TBC1D5: variants seen among roughly 807,000 people sequenced by gnomAD.
The protein encoded by TBC1D5 is TBC1 domain family, member 5.
Under a neutral mutation model 100.3 loss-of-function variants are expected in TBC1D5, and 75 were observed. That is an observed-to-expected ratio of 0.75 (90% CI 0.62 to 0.91). The LOEUF (loss-of-function observed/expected upper bound fraction) is 0.91, where lower values mean the gene tolerates loss of function less well. Ranked by LOEUF, TBC1D5 falls within the 40% of genes least tolerant of loss-of-function variation. The pLI is 0.00. For missense variants in TBC1D5, 910 were observed against 942.4 expected (o/e 0.97, Z 0.45); for synonymous variants, 323 against 325.6 (o/e 0.99, Z 0.09).
At chr3:17,442,766 T>C (rs970998180) in intron 3 of TBC1D5, among the ~76,000 whole-genome samples, 1 of 152,170 alleles carries the variant, frequency 6.6e-6, no homozygotes, top group African/African-American at 2.4e-5. Flanking sequence ...ACTTTGAAAC[T>C]GCTGACACTG....
intron 8 of TBC1D5, among the ~76,000 whole-genome samples, chr3:17,393,829 T>C (rs2093426451): frequency 6.6e-6 from 1 of 152,116 alleles, no homozygotes; most frequent in Admixed American, 6.6e-5. Flanking sequence ...TAACTCAAAA[T>C]GGATTAAAGA....
At chr3:17,741,082 C>G (rs1383129945), upstream of TBC1D5, among the ~76,000 whole-genome samples, 1 of 152,194 alleles carries the variant, frequency 6.6e-6, no homozygotes, top group African/African-American at 2.4e-5. Flanking sequence ...TTGATAAATA[C>G]AACACTTTAT....
At chr3:17,550,946 T>TAAAG (rs1240654916) in intron 2 of TBC1D5, among the ~76,000 whole-genome samples, 2 of 152,164 alleles carry the variant, frequency 1.3e-5, no homozygotes, top group African/African-American at 4.8e-5. Context: ...CTCTTCCTCT[T>TAAAG]CCATCTATAA....
In TBC1D5 at chr3:17,227,018, A is replaced by C. The variant is rs576540086; in HGVS notation, c.1588+11145T>G. ...ATTTCTGTTTAGCACTGGGGAGGGA[A>C]GTATGAACATAACAGAAGCTCTTAA... On this transcript the variant is annotated intron_variant, in intron 17 of 21. Transcript: ENST00000253692. Among the ~76,000 whole-genome samples the C allele has an allele frequency of 3.4e-3, 519 of 152,278 alleles. 4 individuals are homozygous for C. Among genetic ancestry groups the C allele is most frequent in the African/African-American group, 0.011 (472 of 41,566 alleles).
chr3:17,700,224 G>A (rs2072943706), intron 1 of TBC1D5, among the ~76,000 whole-genome samples: 1 of 151,634 alleles, frequency 6.6e-6, no homozygotes, highest in South Asian at 2.1e-4. Flanking sequence ...AACAAGAAAT[G>A]GGGAAACAAT....
intron 13 of TBC1D5, among the ~76,000 whole-genome samples, chr3:17,326,156 C>A (rs1271258499): frequency 6.6e-6 from 1 of 152,060 alleles, no homozygotes; most frequent in Non-Finnish European, 1.5e-5. Flanking sequence ...TAGAATCCAG[C>A]ATAAAATTTG....
chr3:17,694,177 G>A (rs2071626255), intron 1 of TBC1D5, among the ~76,000 whole-genome samples: 1 of 152,210 alleles, frequency 6.6e-6, no homozygotes, highest in African/African-American at 2.4e-5. Flanking sequence ...AAAAATCAGA[G>A]TGCCTCTTCT....
chr3:17,392,442 T>C (rs1018716883), intron 8 of TBC1D5, among the ~76,000 whole-genome samples: 2 of 152,188 alleles, frequency 1.3e-5, no homozygotes, highest in East Asian at 3.9e-4. Flanking sequence ...GGTATACACA[T>C]GCCATGGTGG....
chr3:17,357,064 A>G (rs1169162927), intron 13 of TBC1D5, among the ~76,000 whole-genome samples: 1 of 152,238 alleles, frequency 6.6e-6, no homozygotes, highest in Non-Finnish European at 1.5e-5. Context: ...CCAAACTTAA[A>G]AAAACTCTTC....
chr3:17,706,443 G>A (rs199916602), intron 1 of TBC1D5, among the ~76,000 whole-genome samples: 2,536 of 149,702 alleles, frequency 0.017, 51 homozygotes, highest in South Asian at 0.047. Flanking sequence ...ACACACACGC[G>A]CGCGCACACC....
At chr3:17,269,784 T>C (rs1373995169) in intron 15 of TBC1D5, among the ~76,000 whole-genome samples, 2 of 151,884 alleles carry the variant, frequency 1.3e-5, no homozygotes, top group Non-Finnish European at 1.5e-5. Context: ...CTTAGGACTA[T>C]GGCCTCCAGC....
chr3:17,540,905 CAAAAAAAA>C (rs71634807), intron 2 of TBC1D5, among the ~76,000 whole-genome samples: 30 of 31,462 alleles, frequency 9.5e-4, no homozygotes, highest in African/African-American at 4.7e-3. Flanking sequence ...GGCTCCATCT[CAAAAAAAA>C]AAAAAAAAAA....
chr3:17,357,579 A>G (rs1018742847), intron 13 of TBC1D5, among the ~76,000 whole-genome samples: 10 of 152,042 alleles, frequency 6.6e-5, no homozygotes, highest in Non-Finnish European at 1.5e-4. Context: ...TTATATGGGG[A>G]CTGACATCAC....
chr3:17,489,379 T>C (rs926534176), intron 3 of TBC1D5, among the ~76,000 whole-genome samples: 1 of 152,178 alleles, frequency 6.6e-6, no homozygotes, highest in Non-Finnish European at 1.5e-5. Flanking sequence ...CAGTGAGGGA[T>C]TGTTCCATAA....
At chr3:17,399,268 A>G (rs2093588395) in intron 8 of TBC1D5, among the ~76,000 whole-genome samples, 1 of 152,090 alleles carries the variant, frequency 6.6e-6, no homozygotes, top group African/African-American at 2.4e-5. Context: ...CTTTGAGTAG[A>G]GTGATTAGGC....
At chr3:17,257,248 T>C (rs555483856) in intron 16 of TBC1D5, among the ~76,000 whole-genome samples, 3 of 152,302 alleles carry the variant, frequency 2.0e-5, no homozygotes, top group Admixed American at 6.5e-5. Flanking sequence ...AAGACTAACA[T>C]ACTTTGTTCT....
intron 4 of TBC1D5, among the ~76,000 whole-genome samples, chr3:17,423,013 A>G (rs549548800): frequency 7.9e-5 from 12 of 152,160 alleles, no homozygotes; most frequent in Admixed American, 3.3e-4. Context: ...AGGCTATACC[A>G]ACTTTAATTT....
At position 17,234,909 on chromosome 3, in the gene TBC1D5, A is replaced by G. The variant is rs1041494939; in HGVS notation, c.1588+3254T>C. Among the ~76,000 whole-genome samples the G allele has an allele frequency of 5.3e-5, 8 of 152,176 alleles. No homozygotes were observed. In the East Asian group the frequency reaches 1.5e-3, roughly 29 times the overall value. ...CAGTACACACATTTAGTCTCCTATA[A>G]TTGAAATAAAATCTATAAATAGGAA... On this transcript the variant is annotated intron_variant, in intron 17 of 21. Coordinates refer to ENST00000253692, the Ensembl canonical transcript of TBC1D5.
intron 2 of TBC1D5, among the ~76,000 whole-genome samples, chr3:17,565,728 T>G (rs1482497303): frequency 6.6e-6 from 1 of 152,108 alleles, no homozygotes; most frequent in Non-Finnish European, 1.5e-5. Flanking sequence ...GTAATTTACA[T>G]GCTTTTAGTG....
Sources: gnomAD v4.1 joint callset for allele counts (sites outside exome capture counted in the v4.1 genomes callset) on GRCh38, gnomAD v4.1.1 for gene constraint, MANE v1.5 for transcripts, NCBI Gene and HGNC (gene_info 2026-07-23, HGNC 2026-07-21) for gene names.